TRIM5: variants seen among roughly 807,000 people sequenced by gnomAD.
The protein encoded by TRIM5 is tripartite motif containing 5, also known as tripartite motif-containing protein 5.
TRIM5 carries 31 observed loss-of-function variants against 35.6 expected under a neutral mutation model. The ratio of observed to expected loss-of-function variants is 0.87; its 90% confidence interval spans 0.65 to 1.18. The LOEUF (loss-of-function observed/expected upper bound fraction) is 1.18, where lower values mean the gene tolerates loss of function less well. Among genes scored for constraint, TRIM5 ranks in the 50% most tolerant of loss-of-function variants. The probability of loss-of-function intolerance (pLI) is 0.00; values close to 1 mark genes in which losing one functional copy is unlikely to be tolerated. For synonymous variants in TRIM5, 243 were observed against 215.6 expected (o/e 1.13, Z -1.11); for missense variants, 609 against 591.6 (o/e 1.03, Z -0.31).
the TRIM5 span, among the ~76,000 whole-genome samples, chr11:5,657,528 ATAT>A: frequency 3.2e-4 from 43 of 132,506 alleles, no homozygotes; most frequent in African/African-American, 9.2e-4. Context: ...TGCATTATAT[ATAT>A]TATTTATATA....
At chr11:5,671,302 A>AT (rs1388211384) in intron 4 of TRIM5, among the ~76,000 whole-genome samples, 2 of 46,008 alleles carry the variant, frequency 4.3e-5, no homozygotes, top group Non-Finnish European at 1.0e-4. Flanking sequence ...GCTCAGGGGG[A>AT]TTAAAAAAAA....
chr11:5,593,755 G>A, the TRIM5 span, among the ~76,000 whole-genome samples: 1 of 152,302 alleles, frequency 6.6e-6, no homozygotes, highest in Middle Eastern at 3.4e-3. Flanking sequence ...ATACCACCCT[G>A]AGTCTAGAAC....
chr11:5,664,854 A>T lies in TRIM5; in HGVS notation c.1437T>A (p.Pro479=). 6.2e-7 allele frequency: 1 copy of T among 1,611,662 alleles called. No homozygotes were observed. The highest frequency in any genetic ancestry group is 8.5e-7 in the Non-Finnish European group (1 of 1,179,010). The change falls in exon 8 of 8, where the codon CCT becomes CCA. Residue 479 remains proline, a synonymous_variant. Coordinates refer to ENST00000380034, the MANE Select transcript of TRIM5 (RefSeq NM_033034.3). ...GAGTCATGGGGACTCCACATTTTCT[A>T]GGATTTAAATATGGAAATACAGGCT... is the stretch of plus-strand genomic sequence containing the variant. ...FSQPVFPYLN[P]RKCGVPMTLC... is the part of the protein sequence containing the mutation.
chr11:5,601,749 C>T, the TRIM5 span, among the ~76,000 whole-genome samples: 3 of 152,160 alleles, frequency 2.0e-5, no homozygotes, highest in Non-Finnish European at 4.4e-5. Context: ...TAGAGCAAGA[C>T]TCAGTTTCAA....
chr11:5,610,585 T>C, the TRIM5 span: 1 of 1,609,058 alleles, frequency 6.2e-7, no homozygotes, highest in Non-Finnish European at 8.5e-7. Context: ...ATGGCCTCTT[T>C]GGGCTGGCAC....
At chr11:5,678,003 A>G (rs1852125063) in intron 4 of TRIM5, 1 of 472,976 alleles carries the variant, frequency 2.1e-6, no homozygotes, top group South Asian at 4.0e-5. Flanking sequence ...AAATTTTTCT[A>G]CTGCTCTGGA....
chr11:5,664,923 G>A lies in TRIM5; in HGVS notation c.1368C>T (p.Asn456=), dbSNP rs1192422294. The stretch of plus-strand genomic sequence containing the variant: ...AAAACTTATAGATGAGAAATCCATG[G>A]TTTGTGATATTGAAGAATGAGACAG... The part of the protein sequence containing the change: ...ACTVSFFNIT[N]HGFLIYKFSH... Residue 456 remains asparagine (N), a synonymous_variant, in exon 8 of 8, where the codon AAC becomes AAT. Coordinates refer to ENST00000380034, the MANE Select transcript of TRIM5 (RefSeq NM_033034.3). 1.9e-6 allele frequency: 3 copies of A among 1,614,014 alleles called. No homozygotes were observed. The highest frequency in any genetic ancestry group is 1.7e-5 in the Admixed American group (1 of 60,004).
At chr11:5,659,418 T>C (rs1305687006), downstream of TRIM5, among the ~76,000 whole-genome samples, 1 of 152,204 alleles carries the variant, frequency 6.6e-6, no homozygotes, top group Non-Finnish European at 1.5e-5. Flanking sequence ...CCCATCAGAT[T>C]GCATTTCAAG....
the TRIM5 span, among the ~76,000 whole-genome samples, chr11:5,631,635 A>G: frequency 6.6e-6 from 1 of 152,200 alleles, no homozygotes; most frequent in Non-Finnish European, 1.5e-5. Context: ...TTAGGAGGCG[A>G]GCACTTCTTC....
the TRIM5 span, among the ~76,000 whole-genome samples, chr11:5,631,964 T>A: frequency 6.6e-6 from 1 of 152,166 alleles, no homozygotes; most frequent in Non-Finnish European, 1.5e-5. Context: ...GTACTTAAGT[T>A]TGTCTTAGCA....
At chr11:5,683,856 G>A (rs1378849483) in intron 1 of TRIM5, 1 of 152,302 alleles carries the variant, frequency 6.6e-6, no homozygotes, top group Non-Finnish European at 1.5e-5. Context: ...CAGGCTGCCT[G>A]AGCCAGCAGT....
chr11:5,590,759 T>G, the TRIM5 span: 1 of 152,250 alleles, frequency 6.6e-6, no homozygotes, highest in Non-Finnish European at 1.5e-5. Context: ...CTTTTGCTCT[T>G]TGCAATAAAT....
chr11:5,680,309 C>G, intron 1 of TRIM5, 71 bp from the exon 2 acceptor site: 2 of 902,394 alleles, frequency 2.2e-6, no homozygotes, highest in South Asian at 7.1e-5. Flanking sequence ...TGATTGTGCA[C>G]AATTAGAAAA....
chr11:5,599,389 A>ATTTC, the TRIM5 span, among the ~76,000 whole-genome samples: 2 of 140,214 alleles, frequency 1.4e-5, no homozygotes, highest in Admixed American at 7.4e-5. Flanking sequence ...TATTATATTT[A>ATTTC]TTTATTTATT....
At chr11:5,616,095 C>G in the TRIM5 span, among the ~76,000 whole-genome samples, 2 of 150,046 alleles carry the variant, frequency 1.3e-5, no homozygotes, top group African/African-American at 4.9e-5. Context: ...GGACTACAGG[C>G]GCCCACCACC....
chr11:5,591,492 T>C, the TRIM5 span, among the ~76,000 whole-genome samples: 2 of 152,058 alleles, frequency 1.3e-5, no homozygotes, highest in African/African-American at 4.8e-5. Context: ...CTACTAAAAA[T>C]ACAAAATTAG....
chr11:5,673,160 T>C (rs1851699584), intron 4 of TRIM5, among the ~76,000 whole-genome samples: 1 of 152,026 alleles, frequency 6.6e-6, no homozygotes, highest in Non-Finnish European at 1.5e-5. Flanking sequence ...AAGAAGAAGA[T>C]TCGGTTATCA....
At chr11:5,605,546 G>T in the TRIM5 span, 1 of 1,613,278 alleles carries the variant, frequency 6.2e-7, no homozygotes, top group Non-Finnish European at 8.5e-7. Context: ...GATGTCAGGG[G>T]TCAACAATGG....
At chr11:5,638,534 A>G in the TRIM5 span, among the ~76,000 whole-genome samples, 2 of 152,216 alleles carry the variant, frequency 1.3e-5, no homozygotes, top group African/African-American at 2.4e-5. Flanking sequence ...ATCTTGCTCA[A>G]AACAAATTAA....
Sources: gnomAD v4.1 joint callset for allele counts (sites outside exome capture counted in the v4.1 genomes callset) on GRCh38, gnomAD v4.1.1 for gene constraint, MANE v1.5 for transcripts, NCBI Gene and HGNC (gene_info 2026-07-23, HGNC 2026-07-21) for gene names.